Variants in DOCK7 observed in about 807,000 individuals in gnomAD.
DOCK7 encodes the protein dedicator of cytokinesis protein 7.
A neutral mutation model predicts 271.0 loss-of-function variants in DOCK7; 138 were observed. That is an observed-to-expected ratio of 0.51 (90% confidence interval 0.44 to 0.59). The LOEUF is 0.59. Ranked by LOEUF, DOCK7 falls within the 20% of genes least tolerant of loss-of-function variation. DOCK7 has a pLI of 0.00. For synonymous variants in DOCK7, 823 were observed against 876.1 expected (o/e 0.94, Z 1.07); for missense variants, 2,066 against 2,592.4 (o/e 0.80, Z 4.41).
chr1:62,660,567 T>C (rs1014313400), intron 2 of DOCK7, among the ~76,000 whole-genome samples: 2 of 152,132 alleles, frequency 1.3e-5, no homozygotes, highest in African/African-American at 2.4e-5. Flanking sequence ...AAAAACAGAT[T>C]GGTGGCTCCT....
intron 36 of DOCK7, among the ~76,000 whole-genome samples, chr1:62,505,236 TAAG>T (rs993761630): frequency 8.5e-5 from 13 of 152,300 alleles, no homozygotes; most frequent in African/African-American, 2.9e-4. Context: ...AAAACAAATA[TAAG>T]AAGTAAACAT....
chr1:62,545,188 A>G, intron 22 of DOCK7, 149 bp from the exon 23 acceptor site: 1 of 580,362 alleles, frequency 1.7e-6, no homozygotes, highest in South Asian at 2.7e-5. Context: ...GCACCTATAG[A>G]GTATTAGTTC....
At chr1:62,588,691 TTAG>T (rs1647931586) in intron 14 of DOCK7, among the ~76,000 whole-genome samples, 1 of 152,164 alleles carries the variant, frequency 6.6e-6, no homozygotes, top group East Asian at 1.9e-4. Flanking sequence ...TTCTATGAAA[TTAG>T]TAGACGATGA....
At chr1:62,557,974 A>G (rs1169457968) in intron 20 of DOCK7, among the ~76,000 whole-genome samples, 1 of 152,014 alleles carries the variant, frequency 6.6e-6, no homozygotes, top group African/African-American at 2.4e-5. Context: ...AGTCATCTCT[A>G]CATAGCATAG....
intron 48 of DOCK7, among the ~76,000 whole-genome samples, chr1:62,472,167 G>A (rs1449013670): frequency 6.6e-6 from 1 of 151,988 alleles, no homozygotes; most frequent in Non-Finnish European, 1.5e-5. Flanking sequence ...GCAGTGGCAT[G>A]ATCTCGGCTC....
intron 2 of DOCK7, among the ~76,000 whole-genome samples, chr1:62,661,541 G>T (rs191938872): frequency 2.0e-5 from 3 of 151,326 alleles, no homozygotes; most frequent in Admixed American, 2.0e-4. Context: ...CTAATTCAGC[G>T]TTTTTTGCCC....
At chr1:62,637,998 T>A (rs1022463670) in intron 7 of DOCK7, among the ~76,000 whole-genome samples, 1 of 152,172 alleles carries the variant, frequency 6.6e-6, no homozygotes, top group Non-Finnish European at 1.5e-5. Flanking sequence ...TGTCCACGTG[T>A]CAACCTCTAC....
intron 20 of DOCK7, among the ~76,000 whole-genome samples, chr1:62,557,461 C>T (rs917071507): frequency 6.6e-6 from 1 of 151,204 alleles, no homozygotes; most frequent in Non-Finnish European, 1.5e-5. Context: ...CTCAACCCTG[C>T]TTTCTCTTCT....
chr1:62,674,315 C>CG (rs1374761291), intron 1 of DOCK7, among the ~76,000 whole-genome samples: 2 of 151,998 alleles, frequency 1.3e-5, no homozygotes, highest in Non-Finnish European at 2.9e-5. Context: ...ATAGACCCCC[C>CG]CCACCAACCA....
intron 14 of DOCK7, among the ~76,000 whole-genome samples, chr1:62,601,517 C>T (rs1323981282): frequency 6.6e-6 from 1 of 151,626 alleles, no homozygotes; most frequent in Non-Finnish European, 1.5e-5. Flanking sequence ...TTAAAGGTCA[C>T]TGGACTCCAG....
At chr1:62,584,679 C>T (rs1000933786) in intron 15 of DOCK7, 9 of 1,332,126 alleles carry the variant, frequency 6.8e-6, no homozygotes, top group South Asian at 1.7e-5. Context: ...ATTATTTATC[C>T]AAAAATGTGA....
intron 48 of DOCK7, among the ~76,000 whole-genome samples, chr1:62,466,874 C>T (rs894710630): frequency 1.4e-4 from 21 of 151,804 alleles, no homozygotes; most frequent in Non-Finnish European, 8.8e-5. Context: ...GCCGAGATCG[C>T]GCCATTGCAA....
intron 49 of DOCK7, among the ~76,000 whole-genome samples, chr1:62,457,254 T>C (rs536651681): frequency 1.6e-4 from 25 of 152,158 alleles, no homozygotes; most frequent in Non-Finnish European, 3.1e-4. Context: ...ATGATACAGG[T>C]TGAACATCCC....
In DOCK7 at chr1:62,504,539, C is replaced by T; in HGVS notation, c.4764+91G>A. 2.2e-6 allele frequency: 3 copies of T among 1,340,032 alleles called. No homozygotes were observed. The South Asian group carries it at 4.5e-5, about 20-fold the overall frequency. The allele number at this position is 1,340,032 out of a possible 1,614,324, so 83.0% of individuals were successfully genotyped here. Reference sequence around the variant, plus strand: ...GATTAGACTAAAAATATACAAAAAACTCCATGCTCTCCCAAAAACTGATTT... The same window carrying T: ...GATTAGACTAAAAATATACAAAAAATTCCATGCTCTCCCAAAAACTGATTT... On this transcript the variant is annotated intron_variant, in intron 37 of 49. Transcript: ENST00000635253.
chr1:62,586,486 A>C (rs1014625053), intron 15 of DOCK7, 21 bp downstream of exon 15: 2 of 1,533,292 alleles, frequency 1.3e-6, no homozygotes, highest in Non-Finnish European at 1.8e-6. Flanking sequence ...AAAATTAGAA[A>C]AGTAAAAGAA....
chr1:62,584,826 C>T, intron 15 of DOCK7: 2 of 727,214 alleles, frequency 2.8e-6, no homozygotes, highest in Non-Finnish European at 5.1e-6. Flanking sequence ...GCTATGGTAG[C>T]ACCAAAGAGG....
At chr1:62,584,791 A>T (rs954618465) in intron 15 of DOCK7, 2 of 753,026 alleles carry the variant, frequency 2.7e-6, no homozygotes, top group African/African-American at 3.5e-5. Flanking sequence ...CAAGTGATAA[A>T]GTCCCATGAA....
intron 7 of DOCK7, among the ~76,000 whole-genome samples, chr1:62,637,097 T>TA (rs1655366538): frequency 1.3e-5 from 2 of 152,220 alleles, no homozygotes. Context: ...ACTTTATGCA[T>TA]AAATGCACTT....
At chr1:62,466,384 CT>C (rs1013164502) in intron 48 of DOCK7, among the ~76,000 whole-genome samples, 9 of 152,196 alleles carry the variant, frequency 5.9e-5, no homozygotes, top group Admixed American at 5.9e-4. Flanking sequence ...CAAGACTGCC[CT>C]TACTTACAAA....
Sources: allele counts gnomAD v4.1 joint callset (sites outside exome capture counted in the v4.1 genomes callset), GRCh38; gene constraint gnomAD v4.1.1; transcripts MANE v1.5; gene names NCBI Gene and HGNC (gene_info 2026-07-23, HGNC 2026-07-21).